Variants in AP3S1 observed in about 807,000 individuals in gnomAD.
AP3S1 encodes adaptor related protein complex 3 subunit sigma 1.
AP3S1 carries 12 observed loss-of-function variants against 21.3 expected under a neutral mutation model. The observed-to-expected ratio is 0.56, with a 90% CI of 0.36 to 0.91. AP3S1 has a LOEUF of 0.91. Among genes scored for constraint, AP3S1 ranks in the 40% least tolerant of loss-of-function variants. The pLI is 0.01. For missense variants in AP3S1, 116 were observed against 225.0 expected (o/e 0.52, Z 3.10); for synonymous variants, 48 against 78.4 (o/e 0.61, Z 2.05).
intron 1 of AP3S1, among the ~76,000 whole-genome samples, chr5:115,851,116 A>G (rs1167573034): frequency 1.3e-5 from 2 of 152,228 alleles, no homozygotes; most frequent in African/African-American, 2.4e-5. Context: ...GGAGAGAAGT[A>G]GGATGTGATT....
intron 1 of AP3S1, among the ~76,000 whole-genome samples, chr5:115,850,154 A>G (rs1000512145): frequency 3.3e-5 from 5 of 152,332 alleles, no homozygotes; most frequent in Admixed American, 2.0e-4. Flanking sequence ...AATTACAAGA[A>G]TCACTTGCTG....
At chr5:115,888,754 C>G (rs1363154547) in intron 3 of AP3S1, among the ~76,000 whole-genome samples, 1 of 151,928 alleles carries the variant, frequency 6.6e-6, no homozygotes, top group Non-Finnish European at 1.5e-5. Context: ...CAGTATTTAT[C>G]AGCAGAATTA....
intron 4 of AP3S1, among the ~76,000 whole-genome samples, chr5:115,897,636 T>C (rs903317519): frequency 6.6e-6 from 1 of 151,446 alleles, no homozygotes; most frequent in Non-Finnish European, 1.5e-5. Flanking sequence ...CTCGGCTTAA[T>C]GCAAGCTCCA....
At chr5:115,864,408 T>G (rs981544320) in intron 1 of AP3S1, among the ~76,000 whole-genome samples, 1 of 152,212 alleles carries the variant, frequency 6.6e-6, no homozygotes, top group Non-Finnish European at 1.5e-5. Flanking sequence ...AGTCACAAAG[T>G]TTGTAATTCA....
chr5:115,884,606 A>G (rs536693488), intron 3 of AP3S1, among the ~76,000 whole-genome samples: 1 of 152,312 alleles, frequency 6.6e-6, no homozygotes, highest in South Asian at 2.1e-4. Flanking sequence ...TCCCATTCCA[A>G]TTGGATATTC....
intron 5 of AP3S1, among the ~76,000 whole-genome samples, chr5:115,906,315 T>C (rs1751650465): frequency 6.6e-6 from 1 of 152,186 alleles, no homozygotes; most frequent in African/African-American, 2.4e-5. Context: ...ACACAGCTTT[T>C]TAAACATAAC....
chr5:115,885,554 G>T (rs946178893), intron 3 of AP3S1, among the ~76,000 whole-genome samples: 9 of 152,196 alleles, frequency 5.9e-5, no homozygotes, highest in Non-Finnish European at 1.0e-4. Flanking sequence ...TCTTTTGCCT[G>T]CTTTGTTCTA....
chr5:115,849,933 T>G (rs1762319976), intron 1 of AP3S1, among the ~76,000 whole-genome samples: 1 of 151,818 alleles, frequency 6.6e-6, no homozygotes, highest in African/African-American at 2.4e-5. Flanking sequence ...AAAACATGAG[T>G]GCTCCAGTTC....
chr5:115,889,158 A>G (rs866413047), intron 3 of AP3S1, among the ~76,000 whole-genome samples: 50 of 152,290 alleles, frequency 3.3e-4, no homozygotes, highest in African/African-American at 9.4e-4. Flanking sequence ...TAATCTGCAC[A>G]TTTAGTAGGT....
intron 1 of AP3S1, among the ~76,000 whole-genome samples, chr5:115,856,343 CTG>C (rs1392854173): frequency 1.3e-5 from 2 of 151,584 alleles, no homozygotes; most frequent in African/African-American, 4.8e-5. Context: ...GATATAATAA[CTG>C]TGCATATTTA....
chr5:115,907,124 A>G (rs1751716793), intron 5 of AP3S1: 1 of 479,504 alleles, frequency 2.1e-6, no homozygotes, highest in South Asian at 9.0e-5. Flanking sequence ...AATTTTTTTT[A>G]AACACTTGTC....
At chr5:115,866,256 C>G (rs368464405) in intron 1 of AP3S1, among the ~76,000 whole-genome samples, 211 of 152,314 alleles carry the variant, frequency 1.4e-3, no homozygotes, top group African/African-American at 4.7e-3. Flanking sequence ...ATTGGAAGCT[C>G]CATAGTTCTA....
At chr5:115,863,659 C>T (rs1424826429) in intron 1 of AP3S1, among the ~76,000 whole-genome samples, 3 of 152,144 alleles carry the variant, frequency 2.0e-5, no homozygotes, top group Non-Finnish European at 4.4e-5. Context: ...TGCAAAATCC[C>T]TTTTTACGTC....
intron 1 of AP3S1, among the ~76,000 whole-genome samples, chr5:115,843,115 C>T (rs1761762126): frequency 6.6e-6 from 1 of 152,168 alleles, no homozygotes; most frequent in African/African-American, 2.4e-5. Context: ...GCAGAATTCG[C>T]TAGCTGAAAC....
chr5:115,869,226 G>A lies in AP3S1; in HGVS notation c.162-791G>A, dbSNP rs185408990. On this transcript the variant is annotated intron_variant, in intron 2 of 5. Transcript: ENST00000316788. ...ATAAATAAAAGTATTTCATGAAAGA[G>A]TTTAGTATCTTAGCTCAGTTTTCTT... 1.9e-3 allele frequency among the ~76,000 whole-genome samples: 283 copies of A among 152,198 alleles called. 2 individuals carry two copies. In the South Asian group the frequency reaches 0.022, roughly 12 times the overall value.
At chr5:115,888,475 A>G (rs1749989085) in intron 3 of AP3S1, among the ~76,000 whole-genome samples, 1 of 152,184 alleles carries the variant, frequency 6.6e-6, no homozygotes, top group African/African-American at 2.4e-5. Context: ...CTAAATCAAA[A>G]GAAAATTAGA....
At chr5:115,842,212 T>C in intron 1 of AP3S1, 106 bp downstream of exon 1, 4 of 1,416,396 alleles carry the variant, frequency 2.8e-6, no homozygotes, top group Non-Finnish European at 3.7e-6. Context: ...CTGCGGCCCT[T>C]GTCCCGTCCC....
chr5:115,909,869 A>G (rs1751956595), intron 5 of AP3S1, among the ~76,000 whole-genome samples: 1 of 152,160 alleles, frequency 6.6e-6, no homozygotes, highest in African/African-American at 2.4e-5. Flanking sequence ...GTTTTTTCCT[A>G]TGCATATATA....
At chr5:115,881,330 C>T (rs1749266178) in intron 3 of AP3S1, among the ~76,000 whole-genome samples, 1 of 152,168 alleles carries the variant, frequency 6.6e-6, no homozygotes, top group African/African-American at 2.4e-5. Context: ...TTTGCAATGG[C>T]TGGTACCGGT....
Sources: gnomAD v4.1 joint callset for allele counts (sites outside exome capture counted in the v4.1 genomes callset) on GRCh38, gnomAD v4.1.1 for gene constraint, MANE v1.5 for transcripts, NCBI Gene and HGNC (gene_info 2026-07-23, HGNC 2026-07-21) for gene names.